Variants in MIPEP observed in about 807,000 individuals in gnomAD.
MIPEP encodes the protein mitochondrial intermediate peptidase.
In MIPEP, 79 loss-of-function variants were observed where a neutral mutation model predicts 90.3. The ratio of observed to expected loss-of-function variants is 0.87; its 90% confidence interval spans 0.73 to 1.05. MIPEP has a LOEUF of 1.05. MIPEP is among the 50% of genes least tolerant of loss of function. MIPEP has a pLI of 0.00. For missense variants in MIPEP, 940 were observed against 905.6 expected (o/e 1.04, Z -0.49); for synonymous variants, 334 against 315.8 (o/e 1.06, Z -0.61).
chr13:23,855,126 T>C (rs1252069690), intron 10 of MIPEP, among the ~76,000 whole-genome samples: 4 of 152,196 alleles, frequency 2.6e-5, no homozygotes, highest in African/African-American at 9.7e-5. Context: ...TTTTGAGCCA[T>C]GTGAATGTAT....
intron 18 of MIPEP, among the ~76,000 whole-genome samples, chr13:23,738,954 A>G (rs1377677879): frequency 1.3e-5 from 2 of 152,194 alleles, no homozygotes; most frequent in African/African-American, 4.8e-5. Context: ...TTTAAGCCCC[A>G]TGGCTCAGAT....
intron 16 of MIPEP, among the ~76,000 whole-genome samples, chr13:23,771,797 T>A (rs1952654575): frequency 6.6e-6 from 1 of 152,158 alleles, no homozygotes; most frequent in Non-Finnish European, 1.5e-5. Context: ...TCTAAATGAT[T>A]CACTCAACTT....
At chr13:23,856,046 T>C (rs1328751216) in intron 10 of MIPEP, among the ~76,000 whole-genome samples, 1 of 152,222 alleles carries the variant, frequency 6.6e-6, no homozygotes, top group Non-Finnish European at 1.5e-5. Context: ...TATGAATTAG[T>C]ATGTATTTAC....
At position 23,733,260 on chromosome 13, in the gene MIPEP, T is replaced by C. The variant is rs749163729; in HGVS notation, c.2045-2815A>G. ...CAGCAGGTTTGTGGAGGAGATGGGA[T>C]TGAGCAGAAACTTAACAGATTGGGC... On this transcript the variant is annotated intron_variant, in intron 18 of 18. Coordinates refer to ENST00000382172, the MANE Select transcript of MIPEP (RefSeq NM_005932.4). Among the ~76,000 whole-genome samples, 95 of 150,620 alleles carry C rather than the reference T, an allele frequency of 6.3e-4. 1 individual carries two copies. The highest frequency in any genetic ancestry group is 5.5e-3 in the Admixed American group (83 of 15,060).
At chr13:23,858,831 C>G in intron 10 of MIPEP, 29 bp downstream of exon 10, 4 of 1,603,764 alleles carry the variant, frequency 2.5e-6, no homozygotes, top group Non-Finnish European at 3.4e-6. Flanking sequence ...TTTTCCTTTT[C>G]CTGTACGGGT....
intron 8 of MIPEP, among the ~76,000 whole-genome samples, chr13:23,863,577 T>G (rs186853989): frequency 1.3e-4 from 20 of 152,364 alleles, no homozygotes; most frequent in Non-Finnish European, 2.6e-4. Flanking sequence ...TATCTCATTA[T>G]GTATATGCAA....
chr13:23,754,970 T>C (rs1187959425), intron 18 of MIPEP, among the ~76,000 whole-genome samples: 2 of 152,242 alleles, frequency 1.3e-5, no homozygotes, highest in Admixed American at 6.5e-5. Context: ...CCTGGTTCAA[T>C]CCCTGGCTCT....
intron 16 of MIPEP, among the ~76,000 whole-genome samples, chr13:23,788,671 C>T (rs1310951726): frequency 6.6e-6 from 1 of 152,244 alleles, no homozygotes; most frequent in Non-Finnish European, 1.5e-5. Flanking sequence ...GTGACAACCA[C>T]ATGATGCGCA....
chr13:23,732,196 C>G (rs898387760), intron 18 of MIPEP, among the ~76,000 whole-genome samples: 2 of 151,742 alleles, frequency 1.3e-5, no homozygotes, highest in African/African-American at 4.8e-5. Context: ...GTCATGTTGC[C>G]CAGGCTGGTC....
At chr13:23,767,851 G>GTTCCTTCCTTC (rs1952606981) in intron 16 of MIPEP, among the ~76,000 whole-genome samples, 1 of 152,198 alleles carries the variant, frequency 6.6e-6, no homozygotes, top group Non-Finnish European at 1.5e-5. Flanking sequence ...TACTGGCAGA[G>GTTCCTTCCTTC]ATTAGTAAGT....
chr13:23,879,220 C>T, intron 4 of MIPEP, 48 bp downstream of exon 4: 1 of 1,145,940 alleles, frequency 8.7e-7, no homozygotes, highest in South Asian at 1.3e-5. Context: ...CTCCCAACCT[C>T]ACCTCTAGAG....
chr13:23,800,044 G>A (rs1953015952), intron 16 of MIPEP, among the ~76,000 whole-genome samples: 1 of 152,224 alleles, frequency 6.6e-6, no homozygotes, highest in African/African-American at 2.4e-5. Flanking sequence ...AGAGAACACT[G>A]TCACTCTGAG....
intron 10 of MIPEP, among the ~76,000 whole-genome samples, chr13:23,848,987 G>A (rs543184152): frequency 6.6e-5 from 10 of 152,336 alleles, no homozygotes; most frequent in Middle Eastern, 6.8e-3. Flanking sequence ...TGACCAGCCA[G>A]TCAGGAGGGC....
At chr13:23,760,303 G>A in intron 16 of MIPEP, 86 bp from the exon 17 acceptor site, 1 of 1,562,220 alleles carries the variant, frequency 6.4e-7, no homozygotes, top group African/African-American at 1.4e-5. Flanking sequence ...TGGAGACACA[G>A]AGAGACCCGT....
chr13:23,778,709 C>G (rs1343675582), intron 16 of MIPEP, among the ~76,000 whole-genome samples: 1 of 69,754 alleles, frequency 1.4e-5, no homozygotes, highest in Non-Finnish European at 3.3e-5. Flanking sequence ...TTTTATTATA[C>G]TGACAATAAT....
In MIPEP at chr13:23,831,385, G is replaced by GCGGGGGGGGA. The variant is rs57512059; in HGVS notation, c.1653+4854_1653+4855insTCCCCCCCCG. ...GGGACAGCCTAGCTTCCCCATGGCG[G>GCGGGGGGGGA]GGGGGGGATGTGGATGGGAATTGCC... On this transcript the variant is annotated intron_variant, in intron 14 of 18. Transcript: ENST00000382172. Among the ~76,000 whole-genome samples the GCGGGGGGGGA allele has an allele frequency of 1.8e-3, 243 of 132,574 alleles. 12 individuals carry two copies. Among genetic ancestry groups the GCGGGGGGGGA allele is most frequent in the African/African-American group, 6.3e-3 (230 of 36,482 alleles). The allele number at this position is 132,574 out of a possible 152,430, so 87.0% of individuals were successfully genotyped here.
intron 9 of MIPEP, among the ~76,000 whole-genome samples, chr13:23,861,724 T>A (rs1237205382): frequency 3.9e-5 from 6 of 152,192 alleles, no homozygotes; most frequent in African/African-American, 1.4e-4. Context: ...ATCTGGACTC[T>A]CGACACTTTT....
chr13:23,767,492 C>A (rs1565986628), intron 16 of MIPEP, among the ~76,000 whole-genome samples: 2 of 150,486 alleles, frequency 1.3e-5, no homozygotes, highest in South Asian at 4.2e-4. Flanking sequence ...CACTCTGTTG[C>A]CCAAGCTGGA....
At chr13:23,815,375 G>A (rs1242322016) in intron 14 of MIPEP, among the ~76,000 whole-genome samples, 2 of 151,288 alleles carry the variant, frequency 1.3e-5, no homozygotes, top group African/African-American at 4.9e-5. Flanking sequence ...GAGTGCAGTG[G>A]TGCAATCTTG....
Sources: allele counts gnomAD v4.1 joint callset (sites outside exome capture counted in the v4.1 genomes callset), GRCh38; gene constraint gnomAD v4.1.1; transcripts MANE v1.5; gene names NCBI Gene and HGNC (gene_info 2026-07-23, HGNC 2026-07-21).